The following ANKFN1 variants were observed in gnomAD, a reference collection of about 807,000 sequenced individuals.
ANKFN1 encodes the protein ankyrin repeat and fibronectin type III domain containing 1.
ANKFN1 carries 74 observed loss-of-function variants against 108.7 expected under a neutral mutation model. The observed-to-expected ratio is 0.68, with a 90% CI of 0.56 to 0.83. The LOEUF (loss-of-function observed/expected upper bound fraction) is 0.83, where lower values mean the gene tolerates loss of function less well. Ranked by LOEUF, ANKFN1 falls within the 40% of genes least tolerant of loss-of-function variation. The pLI, the probability that ANKFN1 is intolerant of heterozygous loss-of-function variation, is 0.00. For missense variants in ANKFN1, 1,505 were observed against 1,382.3 expected, an observed-to-expected ratio of 1.09 and a Z score of -1.41; for synonymous variants, 547 against 516.2, an observed-to-expected ratio of 1.06 and a Z score of -0.81.
At chr17:56,317,914 C>T (rs2045254306) in intron 3 of ANKFN1, among the ~76,000 whole-genome samples, 1 of 152,068 alleles carries the variant, frequency 6.6e-6, no homozygotes, top group Admixed American at 6.6e-5. Context: ...AGATGCTTAC[C>T]CTTCCCTTGT....
At chr17:56,128,320 C>T (rs1218570308) in intron 4 of ANKFN1, among the ~76,000 whole-genome samples, 1 of 151,370 alleles carries the variant, frequency 6.6e-6, no homozygotes, top group Non-Finnish European at 1.5e-5. Flanking sequence ...GGATTCTTTG[C>T]TAAGATTACA....
At chr17:56,079,616 ACT>A (rs1196226472) in intron 4 of ANKFN1, among the ~76,000 whole-genome samples, 1 of 152,218 alleles carries the variant, frequency 6.6e-6, no homozygotes, top group Non-Finnish European at 1.5e-5. Flanking sequence ...ATTGTCTAAG[ACT>A]CTAACTATCA....
At chr17:56,410,942 G>A (rs560686758) in intron 8 of ANKFN1, among the ~76,000 whole-genome samples, 68 of 152,192 alleles carry the variant, frequency 4.5e-4, no homozygotes, top group Middle Eastern at 6.8e-3. Context: ...AATATATTCT[G>A]AAATCCAGTT....
intron 15 of ANKFN1, among the ~76,000 whole-genome samples, chr17:56,468,143 G>A (rs2050194508): frequency 6.6e-6 from 1 of 152,196 alleles, no homozygotes; most frequent in African/African-American, 2.4e-5. Context: ...CAGATCTTCT[G>A]ATTGCAAATC....
intron 16 of ANKFN1, 134 bp downstream of exon 16, chr17:56,477,788 G>T (rs2145352011): frequency 1.4e-5 from 12 of 878,208 alleles, no homozygotes; most frequent in Non-Finnish European, 1.9e-5. Context: ...ATGCCACACT[G>T]AAGTGGGGCA....
chr17:56,482,369 G>C lies in ANKFN1; in HGVS notation c.2105G>C (p.Arg702Pro). Residue 702 changes from arginine to proline, a missense_variant, in exon 18 of 21, where the codon CGC becomes CCC. Arg to Pro is a moderately radical substitution (Grantham distance 103, BLOSUM62 -2). Coordinates refer to ENST00000682825, the MANE Select transcript of ANKFN1 (RefSeq NM_001370326.1). ...GTCCCTCTGCAGGCAAGGAACTTCC[G>C]CCTCTACACACAGGAGGTGTTGGAA... is the stretch of plus-strand genomic sequence containing the variant. Reference protein sequence around the residue: ...NIPLHQARNFRLYTQEVLEMG... With the variant: ...NIPLHQARNFPLYTQEVLEMG... The C allele has an allele frequency of 6.2e-7, 1 of 1,600,868 alleles. No homozygotes were observed. The highest frequency in any genetic ancestry group is 8.5e-7 in the Non-Finnish European group (1 of 1,173,614).
intron 1 of ANKFN1, among the ~76,000 whole-genome samples, chr17:56,173,773 C>T (rs962905262): frequency 6.6e-6 from 1 of 152,100 alleles, no homozygotes; most frequent in African/African-American, 2.4e-5. Context: ...GATTTTTGTC[C>T]TTTTAACTTA....
At chr17:56,381,057 C>T (rs984680215) in intron 8 of ANKFN1, among the ~76,000 whole-genome samples, 3 of 152,192 alleles carry the variant, frequency 2.0e-5, no homozygotes, top group African/African-American at 7.2e-5. Context: ...CAGACTGACA[C>T]CTCAAACGGC....
At chr17:56,062,771 G>A (rs745808553) in intron 4 of ANKFN1, among the ~76,000 whole-genome samples, 3 of 152,052 alleles carry the variant, frequency 2.0e-5, no homozygotes, top group African/African-American at 7.2e-5. Flanking sequence ...CTGTCATCAT[G>A]ATGCTATCTG....
intron 4 of ANKFN1, among the ~76,000 whole-genome samples, chr17:56,141,162 T>G (rs1247816387): frequency 6.6e-6 from 1 of 152,206 alleles, no homozygotes. Context: ...ACCTCTCTTG[T>G]TAGCCATCTC....
At position 56,080,585 on chromosome 17, in the gene ANKFN1, C is replaced by T. The variant is rs908497369; in HGVS notation, c.288+34260C>T. On this transcript the variant is annotated intron_variant, in intron 4 of 12. Transcript: ENST00000635860. Reference sequence around the variant, plus strand: ...TCTCAGAATGTTATACTAATTCACTCATTTAATCCTCCCTATACTCCTAAG... The same window carrying T: ...TCTCAGAATGTTATACTAATTCACTTATTTAATCCTCCCTATACTCCTAAG... 2.6e-5 allele frequency among the ~76,000 whole-genome samples: 4 copies of T among 152,330 alleles called. No individual in the cohort carries two copies. In the East Asian group the frequency reaches 5.8e-4, roughly 22 times the overall value.
intron 4 of ANKFN1, among the ~76,000 whole-genome samples, chr17:56,128,411 G>C (rs1474232012): frequency 6.6e-6 from 1 of 152,188 alleles, no homozygotes; most frequent in East Asian, 1.9e-4. Context: ...TGATTATCAG[G>C]AGTGTTGCCC....
At chr17:56,241,085 T>C (rs1316599026) in intron 3 of ANKFN1, among the ~76,000 whole-genome samples, 1 of 152,124 alleles carries the variant, frequency 6.6e-6, no homozygotes, top group African/African-American at 2.4e-5. Context: ...GATGTAAAGA[T>C]ATGCTTCTGT....
At chr17:56,483,514 C>T (rs573802705) in intron 18 of ANKFN1, among the ~76,000 whole-genome samples, 1 of 152,302 alleles carries the variant, frequency 6.6e-6, no homozygotes, top group East Asian at 1.9e-4. Context: ...TTCCTTGGTC[C>T]AAGCACTTCA....
chr17:56,366,025 C>T (rs147462026), intron 6 of ANKFN1, among the ~76,000 whole-genome samples: 2,422 of 152,228 alleles, frequency 0.016, 118 homozygotes, highest in Admixed American at 0.11. Flanking sequence ...CAGCTCTATG[C>T]GTGTTACTGC....
At chr17:56,372,603 T>TC (rs1200069299) in intron 6 of ANKFN1, 43 bp from the exon 7 acceptor site, 1 of 1,549,992 alleles carries the variant, frequency 6.5e-7, no homozygotes, top group Non-Finnish European at 8.8e-7. Context: ...AAGCAGCATT[T>TC]CCCCAGAAAG....
At chr17:56,198,363 T>C (rs1341420020) in intron 1 of ANKFN1, among the ~76,000 whole-genome samples, 4 of 152,304 alleles carry the variant, frequency 2.6e-5, no homozygotes, top group African/African-American at 9.6e-5. Context: ...CTGTTCACAG[T>C]AGGGTTGGCG....
intron 4 of ANKFN1, among the ~76,000 whole-genome samples, chr17:56,071,771 G>A (rs550952421): frequency 1.3e-5 from 2 of 152,222 alleles, no homozygotes; most frequent in Non-Finnish European, 2.9e-5. Flanking sequence ...AGGCAACCAA[G>A]ACAAGGACAT....
chr17:56,324,670 A>G (rs2045466626), intron 3 of ANKFN1, among the ~76,000 whole-genome samples: 1 of 152,232 alleles, frequency 6.6e-6, no homozygotes, highest in East Asian at 1.9e-4. Context: ...CCTTGATGAA[A>G]AACATAGCCC....
Sources: allele counts gnomAD v4.1 joint callset (sites outside exome capture counted in the v4.1 genomes callset), GRCh38; gene constraint gnomAD v4.1.1; transcripts MANE v1.5; gene names NCBI Gene and HGNC (gene_info 2026-07-23, HGNC 2026-07-21).